ISCA1: variants seen among roughly 807,000 people sequenced by gnomAD.
ISCA1 encodes the protein iron-sulfur cluster assembly 1 homolog, mitochondrial.
Under a neutral mutation model 14.7 loss-of-function variants are expected in ISCA1, and 9 were observed. The ratio of observed to expected loss-of-function variants is 0.61; its 90% CI spans 0.37 to 1.07. The LOEUF (loss-of-function observed/expected upper bound fraction) is 1.07. Ranked by LOEUF, ISCA1 falls within the 50% of genes least tolerant of loss-of-function variation. The pLI, the probability that ISCA1 is intolerant of heterozygous loss-of-function variation, is 0.01. For missense variants in ISCA1, 102 were observed against 150.1 expected, an observed-to-expected ratio of 0.68 and a Z score of 1.67; for synonymous variants, 38 against 54.3, an observed-to-expected ratio of 0.70 and a Z score of 1.32.
In ISCA1 at chr9:86,264,919, G is replaced by A. The variant is rs1224291527; in HGVS notation, c.*1124C>T. ...TACTAAGAACTTTAGCAACTGGACC[G>A]AGGAACCAGAAAATGTATGCACACT... is the stretch of plus-strand genomic sequence containing the variant. On this transcript the variant is annotated 3_prime_UTR_variant, in exon 4 of 4. Transcript: ENST00000375991. 6.6e-6 allele frequency: 1 copy of A among 152,128 alleles called. No homozygotes were observed. Among genetic ancestry groups the A allele is most frequent in the East Asian group, 1.9e-4 (1 of 5,188 alleles). The allele number at this position is 152,128 out of a possible 1,614,324, so 9.4% of individuals were successfully genotyped here.
Position 86,282,519 on chromosome 9 carries a change from A to G in ISCA1, c.-61T>C, listed in dbSNP as rs909270385. ...AGGTCGGCCGCCTCAGCTTCTCTCC[A>G]TGGACACGGCGGGCGCATTGACGCC... On this transcript the variant is annotated 5_prime_UTR_variant, in exon 1 of 4. An upstream start codon of the reference 5' UTR is lost. Transcript: ENST00000375991. 15 of 1,549,158 alleles carry G rather than the reference A, an allele frequency of 9.7e-6. No homozygotes were observed. The highest frequency in any genetic ancestry group is 2.4e-5 in the East Asian group (1 of 40,878).
rs1483128572 is a variant in ISCA1, at chr9:86,265,152, G to T, written c.*891C>A. The T allele has an allele frequency of 6.6e-6, 1 of 152,162 alleles. No homozygotes were observed. Among genetic ancestry groups the T allele is most frequent in the Non-Finnish European group, 1.5e-5 (1 of 68,018 alleles). The allele number at this position is 152,162 out of a possible 1,614,324, so 9.4% of individuals were successfully genotyped here. ...AATATAATCTCTATCAAATTATAAAGAAATTCTATCAAAATGTTGACCACA... is the reference window on the plus strand; with the variant it reads ...AATATAATCTCTATCAAATTATAAATAAATTCTATCAAAATGTTGACCACA... On this transcript the variant is annotated 3_prime_UTR_variant, in exon 4 of 4. Transcript: ENST00000375991.
At chr9:86,277,980 C>T (rs541772113) in intron 1 of ISCA1, among the ~76,000 whole-genome samples, 2 of 152,276 alleles carry the variant, frequency 1.3e-5, no homozygotes, top group African/African-American at 4.8e-5. Context: ...CTTTCTAATC[C>T]TTGTAGGAGA....
At chr9:86,267,469 G>T in intron 3 of ISCA1, 1 of 968,914 alleles carries the variant, frequency 1.0e-6, no homozygotes, top group Non-Finnish European at 1.2e-6. Context: ...ATGTAGGTAA[G>T]AACTGCAAGC....
chr9:86,279,977 T>C (rs572916488), intron 1 of ISCA1, among the ~76,000 whole-genome samples: 1 of 152,310 alleles, frequency 6.6e-6, no homozygotes, highest in Admixed American at 6.5e-5. Flanking sequence ...AAGTCAGCCA[T>C]ACTTAAGTAG....
At position 86,265,428 on chromosome 9, in the gene ISCA1, T is replaced by C. The variant is rs1333946924; in HGVS notation, c.*615A>G. The C allele has an allele frequency of 6.5e-6, 1 of 153,986 alleles. No homozygotes were observed. The highest frequency in any genetic ancestry group is 1.4e-5 in the Non-Finnish European group (1 of 69,304). The allele number at this position is 153,986 out of a possible 1,614,324, so 9.5% of individuals were successfully genotyped here. A position where few individuals can be genotyped will look rare whatever the true frequency, so the allele number is the denominator to read the frequency against. On this transcript the variant is annotated 3_prime_UTR_variant, in exon 4 of 4. Transcript: ENST00000375991. ...TTGAGAGCCCATCTCTGAACAGACATATAGGGTGGCAAAAGAAATGGATTA... is the reference window on the plus strand; with the variant it reads ...TTGAGAGCCCATCTCTGAACAGACACATAGGGTGGCAAAAGAAATGGATTA...
chr9:86,276,741 T>C (rs368907346), intron 1 of ISCA1, among the ~76,000 whole-genome samples: 5 of 151,900 alleles, frequency 3.3e-5, no homozygotes, highest in South Asian at 2.1e-4. Flanking sequence ...GATGATGGCA[T>C]GCGCCTGTAA....
intron 2 of ISCA1, among the ~76,000 whole-genome samples, chr9:86,273,912 T>C (rs1300400097): frequency 1.3e-5 from 2 of 152,050 alleles, no homozygotes; most frequent in Admixed American, 1.3e-4. Flanking sequence ...GCTGAGAAAA[T>C]CAGGTCTAGC....
intron 3 of ISCA1, chr9:86,267,503 G>A: frequency 1.0e-6 from 1 of 976,586 alleles, no homozygotes; most frequent in Non-Finnish European, 1.2e-6. Flanking sequence ...CCAATGACAA[G>A]ATAAATTATT....
At chr9:86,276,870 C>CCA (rs1825444027) in intron 1 of ISCA1, among the ~76,000 whole-genome samples, 1 of 39,910 alleles carries the variant, frequency 2.5e-5, no homozygotes, top group African/African-American at 9.7e-5. Flanking sequence ...GACTCTGTCT[C>CCA]AAAAAAAAAA....
intron 1 of ISCA1, among the ~76,000 whole-genome samples, chr9:86,276,262 A>G (rs1470363252): frequency 6.6e-6 from 1 of 151,946 alleles, no homozygotes; most frequent in Non-Finnish European, 1.5e-5. Flanking sequence ...TCCTATGAGA[A>G]TCTAATGCCC....
At chr9:86,277,234 T>C (rs151148945) in intron 1 of ISCA1, among the ~76,000 whole-genome samples, 38 of 152,290 alleles carry the variant, frequency 2.5e-4, no homozygotes, top group Non-Finnish European at 4.9e-4. Flanking sequence ...TGAAGGACTC[T>C]TTAAGGGAAA....
intron 1 of ISCA1, among the ~76,000 whole-genome samples, chr9:86,280,981 A>C (rs1280706959): frequency 3.3e-5 from 5 of 151,862 alleles, no homozygotes; most frequent in South Asian, 4.2e-4. Context: ...AAAACAAAAA[A>C]CCCAGTTAAT....
At chr9:86,274,514 C>T (rs921429383) in intron 1 of ISCA1, among the ~76,000 whole-genome samples, 4 of 152,148 alleles carry the variant, frequency 2.6e-5, no homozygotes, top group African/African-American at 9.7e-5. Context: ...TGGTGCTATT[C>T]ACTCACATTA....
At chr9:86,268,617 G>C (rs773188571) in intron 3 of ISCA1, among the ~76,000 whole-genome samples, 1 of 152,024 alleles carries the variant, frequency 6.6e-6, no homozygotes, top group South Asian at 2.1e-4. Flanking sequence ...TGACTCACGC[G>C]GACAACTTCC....
chr9:86,274,603 G>A (rs372927147), intron 1 of ISCA1, among the ~76,000 whole-genome samples: 1 of 152,142 alleles, frequency 6.6e-6, no homozygotes, highest in Non-Finnish European at 1.5e-5. Flanking sequence ...CTACGACAAA[G>A]AGCCAATGAA....
Position 86,266,036 on chromosome 9 carries a change from T to G in ISCA1, c.*7A>C, listed in dbSNP as rs1408304603. The G allele has an allele frequency of 1.2e-6, 2 of 1,611,770 alleles. No homozygotes were observed. The highest frequency in any genetic ancestry group is 1.7e-6 in the Non-Finnish European group (2 of 1,179,708). On this transcript the variant is annotated 3_prime_UTR_variant, in exon 4 of 4. Coordinates refer to ENST00000375991, the MANE Select transcript of ISCA1 (RefSeq NM_030940.4). ...CTGGAACCTACGGCCAGAAGAGTCC[T>G]GAGATTTCAAATATTAAAGCTTTCT...
chr9:86,282,417 G>T lies in ISCA1; in HGVS notation c.42C>A (p.Ser14Arg). The T allele has an allele frequency of 6.4e-7, 1 of 1,555,872 alleles. No homozygotes were observed. The highest frequency in any genetic ancestry group is 8.7e-7 in the Non-Finnish European group (1 of 1,149,840). ...SLVRATVRAV[S>R]KRKLQPTRAA... ...CCCGGGTGGGCTGCAGCTTCCTCTTGCTCACAGCCCGGACAGTTGCCCGGA... is the reference window on the plus strand; with the variant it reads ...CCCGGGTGGGCTGCAGCTTCCTCTTTCTCACAGCCCGGACAGTTGCCCGGA... Residue 14 changes from serine to arginine, a missense_variant, in exon 1 of 4, where the codon AGC becomes AGA. Coordinates refer to ENST00000375991, the MANE Select transcript of ISCA1 (RefSeq NM_030940.4).
intron 3 of ISCA1, among the ~76,000 whole-genome samples, chr9:86,269,086 G>A (rs373380680): frequency 1.3e-5 from 2 of 152,026 alleles, no homozygotes; most frequent in Non-Finnish European, 2.9e-5. Flanking sequence ...GAGCCACCAC[G>A]CCTGGCCAGT....
Sources: allele counts gnomAD v4.1 joint callset (sites outside exome capture counted in the v4.1 genomes callset), GRCh38; gene constraint gnomAD v4.1.1; transcripts MANE v1.5; gene names NCBI Gene and HGNC (gene_info 2026-07-23, HGNC 2026-07-21).